C1orf21: variants seen among roughly 807,000 people sequenced by gnomAD.
C1orf21 encodes chromosome 1 open reading frame 21.
C1orf21 carries 3 observed loss-of-function variants against 18.7 expected under a neutral mutation model. The observed-to-expected ratio is 0.16, with a 90% CI of 0.07 to 0.42. The LOEUF is 0.42. Among genes scored for constraint, C1orf21 ranks in the 10% least tolerant of loss-of-function variants. The pLI, the probability that C1orf21 is intolerant of heterozygous loss-of-function variation, is 0.99. For missense variants in C1orf21, 104 were observed against 143.6 expected, an observed-to-expected ratio of 0.72 and a Z score of 1.41; for synonymous variants, 41 against 46.4, an observed-to-expected ratio of 0.88 and a Z score of 0.47.
chr1:184,433,984 T>C (rs547465948), intron 1 of C1orf21, among the ~76,000 whole-genome samples: 1 of 152,242 alleles, frequency 6.6e-6, no homozygotes, highest in Admixed American at 6.6e-5. Flanking sequence ...CCCTGTCCAC[T>C]TCTCACCAAG....
At chr1:184,444,538 T>G (rs1192924311) in intron 1 of C1orf21, among the ~76,000 whole-genome samples, 1 of 152,158 alleles carries the variant, frequency 6.6e-6, no homozygotes, top group African/African-American at 2.4e-5. Flanking sequence ...TAAGTCCAAT[T>G]AAACCTCTTT....
At chr1:184,496,052 G>A (rs1382657739) in intron 2 of C1orf21, among the ~76,000 whole-genome samples, 1 of 152,090 alleles carries the variant, frequency 6.6e-6, no homozygotes, top group Non-Finnish European at 1.5e-5. Flanking sequence ...GAAGTTGGCA[G>A]AAGGTGAATC....
chr1:184,507,965 G>A (rs189444781), intron 3 of C1orf21, among the ~76,000 whole-genome samples: 1 of 152,100 alleles, frequency 6.6e-6, no homozygotes, highest in African/African-American at 2.4e-5. Context: ...GTAGGATTGA[G>A]GTTTGTGAGG....
chr1:184,538,383 C>G (rs371667342), intron 3 of C1orf21, among the ~76,000 whole-genome samples: 1 of 152,036 alleles, frequency 6.6e-6, no homozygotes, highest in Non-Finnish European at 1.5e-5. Flanking sequence ...AATAGATATG[C>G]GATTTCAAAT....
chr1:184,600,276 C>T (rs1282991149), intron 5 of C1orf21, among the ~76,000 whole-genome samples: 1 of 152,004 alleles, frequency 6.6e-6, no homozygotes, highest in Non-Finnish European at 1.5e-5. Flanking sequence ...AAGTGATTCT[C>T]CTGCCTCAGC....
chr1:184,534,103 C>T (rs1658510973), intron 3 of C1orf21, among the ~76,000 whole-genome samples: 1 of 152,188 alleles, frequency 6.6e-6, no homozygotes, highest in Non-Finnish European at 1.5e-5. Flanking sequence ...TAGTTTCTTT[C>T]TTTCCCGTCT....
chr1:184,559,503 CCCCCTTCCTTCCTTCCTTCCTT>C (rs1658924472), intron 3 of C1orf21, among the ~76,000 whole-genome samples: 3 of 114,524 alleles, frequency 2.6e-5, no homozygotes, highest in Admixed American at 8.6e-5. Context: ...TCCTTCCTTC[CCCCCTTCCTTCCTTCCTTCCTT>C]CCTTCCTTCC....
At chr1:184,509,731 C>T (rs370675443) in intron 3 of C1orf21, among the ~76,000 whole-genome samples, 26 of 152,156 alleles carry the variant, frequency 1.7e-4, no homozygotes, top group African/African-American at 5.5e-4. Flanking sequence ...AAATAAGTAT[C>T]GAGAAGTTCT....
At chr1:184,486,446 G>A (rs1657734164) in intron 2 of C1orf21, among the ~76,000 whole-genome samples, 1 of 152,192 alleles carries the variant, frequency 6.6e-6, no homozygotes. Flanking sequence ...GGAACACATA[G>A]TTAATAAGGA....
At chr1:184,532,703 T>C (rs1159153535) in intron 3 of C1orf21, among the ~76,000 whole-genome samples, 1 of 152,218 alleles carries the variant, frequency 6.6e-6, no homozygotes, top group South Asian at 2.1e-4. Context: ...GCTATGACTG[T>C]GCCACTGCAC....
chr1:184,472,003 A>C (rs927916772), intron 1 of C1orf21, among the ~76,000 whole-genome samples: 5 of 152,140 alleles, frequency 3.3e-5, no homozygotes, highest in African/African-American at 1.2e-4. Flanking sequence ...CAGTAGCCCA[A>C]GGATACCAAA....
At chr1:184,475,734 GGTGTGTGTGTGTGTGTGTGTGTGTGTGT>G (rs10553261) in intron 1 of C1orf21, among the ~76,000 whole-genome samples, 30 of 138,078 alleles carry the variant, frequency 2.2e-4, no homozygotes, top group Non-Finnish European at 3.9e-4. Flanking sequence ...AATGGAATAG[GGTGTGTGTGTGTGTGTGTGTGTGTGTGT>G]GTGTGTGTGT....
chr1:184,576,340 GT>G (rs544129932), intron 3 of C1orf21, among the ~76,000 whole-genome samples: 91 of 152,314 alleles, frequency 6.0e-4, no homozygotes, highest in African/African-American at 2.1e-3. Context: ...GGCCAGGCTG[GT>G]CTCGAACTCC....
intron 1 of C1orf21, among the ~76,000 whole-genome samples, chr1:184,431,570 A>G (rs1656763655): frequency 6.6e-6 from 1 of 152,252 alleles, no homozygotes; most frequent in South Asian, 2.1e-4. Context: ...CAAAGACTTC[A>G]TGATTAAAAC....
At chr1:184,493,050 T>C (rs1400675576) in intron 2 of C1orf21, among the ~76,000 whole-genome samples, 1 of 152,184 alleles carries the variant, frequency 6.6e-6, no homozygotes, top group African/African-American at 2.4e-5. Flanking sequence ...TTACAGAAAG[T>C]CAGATTCTAA....
intron 5 of C1orf21, among the ~76,000 whole-genome samples, chr1:184,604,759 C>A (rs1415512437): frequency 1.3e-5 from 2 of 152,144 alleles, no homozygotes; most frequent in Non-Finnish European, 2.9e-5. Flanking sequence ...GCTTTAGGAT[C>A]CTGCATGCCC....
intron 3 of C1orf21, among the ~76,000 whole-genome samples, chr1:184,586,762 G>C (rs1231691773): frequency 6.6e-6 from 1 of 151,998 alleles, no homozygotes; most frequent in East Asian, 1.9e-4. Flanking sequence ...ATTTTGTTTT[G>C]CTGAGCAGAA....
intron 1 of C1orf21, among the ~76,000 whole-genome samples, chr1:184,402,099 C>T (rs1656162266): frequency 6.6e-6 from 1 of 152,052 alleles, no homozygotes; most frequent in Non-Finnish European, 1.5e-5. Context: ...ATTGAATATC[C>T]ATTTTAAAAT....
At chr1:184,555,878 C>T (rs927355222) in intron 3 of C1orf21, among the ~76,000 whole-genome samples, 1 of 152,194 alleles carries the variant, frequency 6.6e-6, no homozygotes, top group Non-Finnish European at 1.5e-5. Flanking sequence ...GAGGATCCGC[C>T]CACTGGCCCT....
Sources: gnomAD v4.1 joint callset for allele counts (sites outside exome capture counted in the v4.1 genomes callset) on GRCh38, gnomAD v4.1.1 for gene constraint, MANE v1.5 for transcripts, NCBI Gene and HGNC (gene_info 2026-07-23, HGNC 2026-07-21) for gene names.